Variants in HGFAC observed in about 807,000 individuals in gnomAD.
The protein encoded by HGFAC is HGF activator, also known as hepatocyte growth factor activator serine protease.
In HGFAC, 76 loss-of-function variants were observed where a neutral mutation model predicts 70.6. The observed-to-expected ratio is 1.08, with a 90% CI of 0.89 to 1.30. HGFAC has a LOEUF of 1.30. Ranked by LOEUF, HGFAC falls within the 50% of genes most tolerant of loss-of-function variation. The probability of loss-of-function intolerance (pLI) is 0.00; values close to 1 mark genes in which losing one functional copy is unlikely to be tolerated. For missense variants in HGFAC, 1,044 were observed against 933.7 expected (o/e 1.12, Z -1.54); for synonymous variants, 464 against 405.3 (o/e 1.14, Z -1.74).
In HGFAC at chr4:3,448,199, C is replaced by T. The variant is rs140690119; in HGVS notation, c.1708C>T (p.Pro570Ser). The change falls in exon 13 of 14, where the codon CCT (proline) becomes TCT (serine). Residue 570 changes from proline (P) to serine (S), a missense_variant. By Grantham distance (74) the Pro-to-Ser change is moderately conservative. Transcript: ENST00000382774. ...PLVADHKCSS[P>S]EVYGADISPN... ...GGTCGCCGACCACAAGTGCAGCAGC[C>T]CTGAGGTCTACGGCGCCGACATCAG... is the stretch of plus-strand genomic sequence containing the variant. 52 of 1,606,616 alleles carry T rather than the reference C, an allele frequency of 3.2e-5. No individual in the cohort carries two copies. Among genetic ancestry groups the T allele is most frequent in the Non-Finnish European group, 3.9e-5 (46 of 1,178,054 alleles).
chr4:3,442,123 G>A lies in HGFAC; in HGVS notation c.117+5G>A. The A allele has an allele frequency of 6.4e-7, 1 of 1,553,808 alleles. No homozygotes were observed. The highest frequency in any genetic ancestry group is 1.2e-5 in the South Asian group (1 of 83,958). ...TTCCAGCCCCAGCCTGGCGGGGTGA[G>A]CACTGACCTTGTCGCAGTGCGACCA... On this transcript the variant is annotated splice_donor_5th_base_variant and intron_variant, in intron 1 of 13. Transcript: ENST00000382774.
Position 3,443,159 on chromosome 4 carries a change from A to T in HGFAC, c.395+13A>T. ...CACACAGGAAGTGGTGGGTCCGGGC[A>T]GCCGGGGCACCCGAGCTGGGGTCAC... is the stretch of plus-strand genomic sequence containing the variant. On this transcript the variant is annotated intron_variant, in intron 3 of 13. Coordinates refer to ENST00000382774, the MANE Select transcript of HGFAC (RefSeq NM_001528.4). The T allele has an allele frequency of 6.6e-7, 1 of 1,507,304 alleles. No individual in the cohort carries two copies. Among genetic ancestry groups the T allele is most frequent in the Admixed American group, 2.1e-5 (1 of 47,716 alleles). The allele number at this position is 1,507,304 out of a possible 1,614,324, so 93.4% of individuals were successfully genotyped here.
At chr4:3,441,663 G>A (rs1163820327), upstream of HGFAC, among the ~76,000 whole-genome samples, 5 of 152,206 alleles carry the variant, frequency 3.3e-5, no homozygotes, top group Admixed American at 3.3e-4. This position sits in a 1 kb window ranked among gnomAD's most constrained non-coding sequence, Gnocchi z 6.0. Flanking sequence ...TGGCCTGCAG[G>A]GACTGGGAGC....
Position 3,448,053 on chromosome 4 carries a change from C to A in HGFAC, c.1636+18C>A. ...GGATGAGAGTGAGTTGGGAGGGGGGCGCCCAGCGCCCCGCCAGGGTGGACA... is the reference window on the plus strand; with the variant it reads ...GGATGAGAGTGAGTTGGGAGGGGGGAGCCCAGCGCCCCGCCAGGGTGGACA... On this transcript the variant is annotated intron_variant, in intron 12 of 13. Coordinates refer to ENST00000382774, the MANE Select transcript of HGFAC (RefSeq NM_001528.4). 6.4e-7 allele frequency: 1 copy of A among 1,553,570 alleles called. No individual in the cohort carries two copies. The highest frequency in any genetic ancestry group is 8.7e-7 in the Non-Finnish European group (1 of 1,149,512).
Position 3,449,279 on chromosome 4 carries a change from G to C in HGFAC, c.1828G>C (p.Ala610Pro), listed in dbSNP as rs1427906763. The stretch of plus-strand genomic sequence containing the variant: ...CCTGGCCTGCGAGAAGAACGGCGTG[G>C]CTTACCTCTACGGCATCATCAGCTG... ...GPLACEKNGV[A>P]YLYGIISWGD... Residue 610 changes from alanine (A) to proline (P), a missense_variant, in exon 14 of 14, where the codon GCT becomes CCT. Physicochemically the swap from Ala to Pro is conservative, Grantham distance 27 (BLOSUM62 -1). Coordinates refer to ENST00000382774, the MANE Select transcript of HGFAC (RefSeq NM_001528.4). 2 of 1,612,388 alleles carry C rather than the reference G, an allele frequency of 1.2e-6. No homozygotes were observed. Among genetic ancestry groups the C allele is most frequent in the Non-Finnish European group, 1.7e-6 (2 of 1,179,718 alleles).
rs1259955450 is a variant in HGFAC, at chr4:3,443,081, C to T, written c.330C>T (p.Phe110=). The T allele has an allele frequency of 6.3e-7, 1 of 1,599,368 alleles. No homozygotes were observed. Among genetic ancestry groups the T allele is most frequent in the Non-Finnish European group, 8.5e-7 (1 of 1,178,548 alleles). The change falls in exon 3 of 14, where the codon TTC becomes TTT. Residue 110 remains phenylalanine (F), a synonymous_variant. Transcript: ENST00000382774. The part of the protein sequence containing the change: ...ALTEDGRPCR[F]PFRYGGRMLH... ...CCGAGGACGGGAGGCCCTGCAGGTTCCCCTTCCGCTACGGGGGCCGCATGC... is the reference window on the plus strand; with the variant it reads ...CCGAGGACGGGAGGCCCTGCAGGTTTCCCTTCCGCTACGGGGGCCGCATGC...
In HGFAC at chr4:3,444,718, C is replaced by T. The variant is rs375157235; in HGVS notation, c.826C>T (p.Arg276Trp). 6.5e-5 allele frequency: 104 copies of T among 1,594,866 alleles called. No homozygotes were observed. Among genetic ancestry groups the T allele is most frequent in the Non-Finnish European group, 7.4e-5 (87 of 1,177,080 alleles). The change falls in exon 7 of 14, where the codon CGG becomes TGG. Residue 276 changes from arginine (R) to tryptophan (W), a missense_variant. Coordinates refer to ENST00000382774, the MANE Select transcript of HGFAC (RefSeq NM_001528.4). ...VCACPPGFAG[R>W]LCNIEPDERC... is the part of the protein sequence containing the mutation. ...TGCCTGCCCACCAGGCTTCGCTGGA[C>T]GGCTCTGCAACATCGGTGAGTGGGT...
rs200907783 is a variant in HGFAC, at chr4:3,444,062, G to C, written c.499G>C (p.Gly167Arg). The change falls in exon 5 of 14, where the codon GGC (glycine) becomes CGC (arginine). Residue 167 changes from glycine (G) to arginine (R), a missense_variant. Coordinates refer to ENST00000382774, the MANE Select transcript of HGFAC (RefSeq NM_001528.4). ...AGCTGCCCTGGATCCCTGTGCCTCC[G>C]GCCCCTGCCTCAATGGAGGCTCCTG... is the stretch of plus-strand genomic sequence containing the variant. Reference protein sequence around the residue: ...GPAALDPCASGPCLNGGSCSN... With the variant: ...GPAALDPCASRPCLNGGSCSN... 8.7e-6 allele frequency: 14 copies of C among 1,608,904 alleles called. No homozygotes were observed. In the African/African-American group the frequency reaches 1.3e-4, roughly 15 times the overall value.
intron 11 of HGFAC, 27 bp downstream of exon 11, chr4:3,447,658 C>T (rs1421652225): frequency 6.2e-7 from 1 of 1,610,824 alleles, no homozygotes; most frequent in Non-Finnish European, 8.5e-7. Flanking sequence ...CGTGGCTGCA[C>T]TCTGGGCAGG....
intron 1 of HGFAC, 65 bp downstream of exon 1, chr4:3,442,183 G>T: frequency 7.8e-7 from 1 of 1,286,018 alleles, no homozygotes. Context: ...TCCTTGGGAG[G>T]AGGCCAGAGG....
intron 13 of HGFAC, among the ~76,000 whole-genome samples, chr4:3,448,565 G>A (rs930296583): frequency 1.3e-5 from 2 of 152,338 alleles, no homozygotes; most frequent in Admixed American, 1.3e-4. Flanking sequence ...CCAGCCCAAG[G>A]CAGTGCTTTC....
At position 3,447,943 on chromosome 4, in the gene HGFAC, A is replaced by T. The variant is rs370938558; in HGVS notation, c.1544A>T (p.Gln515Leu). The change falls in exon 12 of 14, where the codon CAG (glutamine) becomes CTG (leucine). Residue 515 changes from glutamine to leucine, a missense_variant. Transcript: ENST00000382774. ...KKGDRCATRSQFVQPICLPEP... is the reference protein window; with the variant it reads ...KKGDRCATRSLFVQPICLPEP... ...GGGGACCGCTGTGCCACACGCTCGCAGTTCGTGCAGCCCATCTGCCTGCCC... is the reference window on the plus strand; with the variant it reads ...GGGGACCGCTGTGCCACACGCTCGCTGTTCGTGCAGCCCATCTGCCTGCCC... 1.1e-5 allele frequency: 17 copies of T among 1,606,232 alleles called. No homozygotes were observed. In the African/African-American group the frequency reaches 1.7e-4, roughly 16 times the overall value.
chr4:3,446,241 G>A lies in HGFAC; in HGVS notation c.1302G>A (p.Gly434=), dbSNP rs1429259037. 8 of 1,610,604 alleles carry A rather than the reference G, an allele frequency of 5.0e-6. No individual in the cohort carries two copies. In the East Asian group the frequency reaches 1.1e-4, roughly 22 times the overall value. The change falls in exon 10 of 14, where the codon GGG becomes GGA. Residue 434 remains glycine (G), a synonymous_variant. Transcript: ENST00000382774. ...ACATCGGGGACAGCTTCTGCGCCGG[G>A]AGCCTGGTCCACACCTGCTGGGTGG... ...AIYIGDSFCA[G]SLVHTCWVVS... is the part of the protein sequence containing the mutation.
In HGFAC at chr4:3,446,192, C is replaced by A; in HGVS notation, c.1253C>A (p.Ser418Ter). ...GGCGGCTCCTCCTCGCTGCCCGGCTCGCACCCCTGGCTGGCCGCCATCTAC... is the reference window on the plus strand; with the variant it reads ...GGCGGCTCCTCCTCGCTGCCCGGCTAGCACCCCTGGCTGGCCGCCATCTAC... ...IIGGSSSLPG[S>*]HPWLAAIYIG... The change falls in exon 10 of 14, where the codon TCG (serine) becomes TAG (stop). Residue 418 changes from serine (S) to a stop codon, truncating the protein, a stop_gained. Coordinates refer to ENST00000382774, the MANE Select transcript of HGFAC (RefSeq NM_001528.4). LOFTEE classifies it high-confidence loss of function. The A allele has an allele frequency of 6.2e-7, 1 of 1,611,072 alleles. No homozygotes were observed. Among genetic ancestry groups the A allele is most frequent in the Non-Finnish European group, 8.5e-7 (1 of 1,179,468 alleles).
At chr4:3,444,188 G>A (rs769950010) in intron 5 of HGFAC, 27 bp downstream of exon 5, 3 of 1,583,984 alleles carry the variant, frequency 1.9e-6, no homozygotes, top group Non-Finnish European at 2.6e-6. Context: ...AGGTCCGCAG[G>A]GGTCCAGGGG....
chr4:3,446,406 CCCCTT>C, intron 10 of HGFAC, 112 bp downstream of exon 10: 4 of 1,391,398 alleles, frequency 2.9e-6, no homozygotes, highest in Non-Finnish European at 3.8e-6. Flanking sequence ...CCTCTGCTGA[CCCCTT>C]CCCGGGGTCC....
chr4:3,444,239 CGAGTGCAGGGCAGG>C, intron 5 of HGFAC, 58 bp from the exon 6 acceptor site: 1 of 1,561,290 alleles, frequency 6.4e-7, no homozygotes, highest in Non-Finnish European at 8.7e-7. Flanking sequence ...AGGTGGCTCC[CGAGTGCAGGGCAGG>C]GGCCCTGCAC....
At chr4:3,441,493 T>C (rs575576625), upstream of HGFAC, among the ~76,000 whole-genome samples, 17 of 151,798 alleles carry the variant, frequency 1.1e-4, no homozygotes, top group African/African-American at 4.1e-4. This position sits in a 1 kb window ranked among gnomAD's most constrained non-coding sequence, Gnocchi z 6.0. Context: ...CACCGAACCC[T>C]CCAGGAGCCC....
rs778308278 is a variant in HGFAC, at chr4:3,442,037, C to A, written c.36C>A (p.Pro12=). 1 of 1,526,454 alleles carries A rather than the reference C, an allele frequency of 6.6e-7. No homozygotes were observed. The highest frequency in any genetic ancestry group is 8.7e-7 in the Non-Finnish European group (1 of 1,153,786). 94.6% of individuals were successfully genotyped at this position (1,526,454 alleles called of 1,614,324 possible). A position where few individuals can be genotyped will look rare whatever the true frequency, so the allele number is the denominator to read the frequency against. ...GGGCCTGGGTCCCCAGCCCCTGGCC[C>A]CCACCGGGGCTGGGCCCCTTCCTCC... is the stretch of plus-strand genomic sequence containing the variant. ...GRWAWVPSPW[P]PPGLGPFLLL... The change falls in exon 1 of 14, where the codon CCC becomes CCA. Residue 12 remains proline, a synonymous_variant. Coordinates refer to ENST00000382774, the MANE Select transcript of HGFAC (RefSeq NM_001528.4).
Sources: allele counts gnomAD v4.1 joint callset (sites outside exome capture counted in the v4.1 genomes callset), GRCh38; gene constraint gnomAD v4.1.1; non-coding constraint Gnocchi (gnomAD v3.1); transcripts MANE v1.5; gene names NCBI Gene and HGNC (gene_info 2026-07-23, HGNC 2026-07-21).